Variants in ATP8B1 observed in about 807,000 individuals in gnomAD.
ATP8B1 encodes the protein phospholipid-transporting ATPase IC.
Under a neutral mutation model 149.9 loss-of-function variants are expected in ATP8B1, and 80 were observed. The ratio of observed to expected loss-of-function variants is 0.53; its 90% CI spans 0.45 to 0.64. ATP8B1 has a LOEUF of 0.64. ATP8B1 is among the 30% of genes least tolerant of loss of function. ATP8B1 has a pLI of 0.00. For missense variants in ATP8B1, 1,247 were observed against 1,552.6 expected, an observed-to-expected ratio of 0.80 and a Z score of 3.31; for synonymous variants, 536 against 562.8, an observed-to-expected ratio of 0.95 and a Z score of 0.67.
intron 18 of ATP8B1, chr18:57,669,104 T>G (rs1158848700): frequency 2.4e-6 from 1 of 414,516 alleles, no homozygotes; most frequent in Non-Finnish European, 4.2e-6. Flanking sequence ...GAACTTCTCC[T>G]AATGTATTTT....
chr18:57,786,818 A>G (rs1224899295), intron 1 of ATP8B1, among the ~76,000 whole-genome samples: 2 of 152,188 alleles, frequency 1.3e-5, no homozygotes, highest in South Asian at 4.1e-4. Flanking sequence ...TGTTCTTCCA[A>G]TGGTTCATGA....
At chr18:57,655,119 G>C in intron 23 of ATP8B1, 75 bp downstream of exon 23, 1 of 1,350,736 alleles carries the variant, frequency 7.4e-7, no homozygotes, top group Non-Finnish European at 1.0e-6. Flanking sequence ...GAAATAAATT[G>C]TCTTTTCAGA....
intron 27 of ATP8B1, among the ~76,000 whole-genome samples, chr18:57,649,190 A>ATCTATCTATCTATCTATCTATC (rs1909427425): frequency 2.1e-4 from 31 of 148,214 alleles, no homozygotes; most frequent in South Asian, 1.5e-3. Flanking sequence ...GTGCTTGGCT[A>ATCTATCTATCTATCTATCTATC]TATCTATCTA....
chr18:57,790,164 C>T (rs2080449073), intron 1 of ATP8B1, among the ~76,000 whole-genome samples: 1 of 152,106 alleles, frequency 6.6e-6, no homozygotes, highest in Non-Finnish European at 1.5e-5. Context: ...CCAGGATTCC[C>T]CTTGTGAAGT....
chr18:57,789,173 A>G (rs779205829), intron 1 of ATP8B1, among the ~76,000 whole-genome samples: 6 of 152,322 alleles, frequency 3.9e-5, no homozygotes, highest in Non-Finnish European at 8.8e-5. Context: ...CATAGGACAC[A>G]CTTATACTAA....
intron 11 of ATP8B1, among the ~76,000 whole-genome samples, chr18:57,693,732 A>G (rs1355174961): frequency 6.6e-6 from 1 of 151,910 alleles, no homozygotes; most frequent in African/African-American, 2.4e-5. Context: ...TAATAATAAT[A>G]ATAAAAAAAC....
intron 2 of ATP8B1, among the ~76,000 whole-genome samples, chr18:57,713,456 C>G (rs1913834609): frequency 6.9e-6 from 1 of 144,890 alleles, no homozygotes; most frequent in African/African-American, 2.6e-5. Context: ...ACCACCATGC[C>G]CAGCTAATTT....
chr18:57,722,222 G>A (rs1476381398), intron 2 of ATP8B1, among the ~76,000 whole-genome samples: 1 of 151,870 alleles, frequency 6.6e-6, no homozygotes, highest in Non-Finnish European at 1.5e-5. Flanking sequence ...TCAAAAGTTA[G>A]CAGAAGGCAA....
chr18:57,664,071 T>C (rs1237533244), intron 20 of ATP8B1, among the ~76,000 whole-genome samples: 2 of 216 alleles, frequency 9.3e-3, no homozygotes, highest in African/African-American at 0.037. Flanking sequence ...GGCCAGCCCT[T>C]TTTTTTTTTT....
intron 24 of ATP8B1, 108 bp downstream of exon 24, chr18:57,653,884 G>T: frequency 9.8e-7 from 1 of 1,015,616 alleles, no homozygotes; most frequent in Non-Finnish European, 1.5e-6. Flanking sequence ...AATAGGGTTT[G>T]ATCAGAAAGA....
chr18:57,659,339 C>G (rs992006582), intron 22 of ATP8B1, among the ~76,000 whole-genome samples: 1 of 152,008 alleles, frequency 6.6e-6, no homozygotes, highest in Non-Finnish European at 1.5e-5. Flanking sequence ...TTAAGAAAAA[C>G]AAGCCCCTCT....
Position 57,652,726 on chromosome 18 carries a change from C to T in ATP8B1, c.3019G>A (p.Val1007Met). The T allele has an allele frequency of 6.2e-7, 1 of 1,614,142 alleles. No individual in the cohort carries two copies. The highest frequency in any genetic ancestry group is 1.7e-5 in the Admixed American group (1 of 60,026). ...VLLMGLLDQD[V>M]SDKLSLRFPG... ...AATCGGAGGCTCAGTTTGTCACTCA[C>T]ATCCTTAAGGAGAAAACAAAATGAT... Residue 1007 changes from valine (V) to methionine (M), a missense_variant, in exon 25 of 28, where the codon GTG becomes ATG. Physicochemically the swap from Val to Met is conservative, Grantham distance 21. This residue lies in a region of ATP8B1 where 230 missense variants were observed against 356.6 expected (regional missense o/e 0.65). Transcript: ENST00000648908.
At chr18:57,717,584 A>T (rs1290448527) in intron 2 of ATP8B1, among the ~76,000 whole-genome samples, 105 of 138,296 alleles carry the variant, frequency 7.6e-4, no homozygotes, top group Non-Finnish European at 1.4e-3. Flanking sequence ...AAAAAAAAAA[A>T]AAAAGAACTA....
At chr18:57,690,158 A>G (rs956282557) in intron 12 of ATP8B1, among the ~76,000 whole-genome samples, 1 of 152,238 alleles carries the variant, frequency 6.6e-6, no homozygotes, top group Non-Finnish European at 1.5e-5. Flanking sequence ...TTGTCTGAGT[A>G]AAGGCCTTTG....
chr18:57,735,778 A>C (rs2079845016), intron 1 of ATP8B1, among the ~76,000 whole-genome samples: 2 of 129,110 alleles, frequency 1.5e-5, no homozygotes, highest in Non-Finnish European at 3.2e-5. Flanking sequence ...TTAAATCTAA[A>C]TTTCCCTACT....
chr18:57,759,175 A>G (rs1271337647), intron 1 of ATP8B1, among the ~76,000 whole-genome samples: 3 of 112,092 alleles, frequency 2.7e-5, no homozygotes, highest in African/African-American at 9.1e-5. Flanking sequence ...AAAAAAAAAA[A>G]AAAAAAAGAA....
At chr18:57,674,689 A>G in intron 16 of ATP8B1, 145 bp downstream of exon 16, 3 of 958,244 alleles carry the variant, frequency 3.1e-6, no homozygotes, top group Non-Finnish European at 4.8e-6. Context: ...CCCAGCCAAC[A>G]ATACCAGTTT....
At chr18:57,793,275 G>A (rs755031789) in intron 1 of ATP8B1, among the ~76,000 whole-genome samples, 3 of 152,060 alleles carry the variant, frequency 2.0e-5, no homozygotes, top group Admixed American at 6.6e-5. Flanking sequence ...AAAGTTGCAC[G>A]TATGCCTGTG....
chr18:57,736,069 T>C (rs1467182458), intron 1 of ATP8B1, among the ~76,000 whole-genome samples: 2 of 147,628 alleles, frequency 1.4e-5, no homozygotes, highest in African/African-American at 2.5e-5. Context: ...TGAGAACATG[T>C]GGTGTTTAGT....
Sources: allele counts gnomAD v4.1 joint callset (sites outside exome capture counted in the v4.1 genomes callset), GRCh38; gene constraint gnomAD v4.1.1; regional missense constraint gnomAD v4.1.1; transcripts MANE v1.5; gene names NCBI Gene and HGNC (gene_info 2026-07-23, HGNC 2026-07-21).